The following ANK3 variants were observed in gnomAD, a reference collection of about 807,000 sequenced individuals.
ANK3 encodes the protein ankyrin 3.
A neutral mutation model predicts 370.9 loss-of-function variants in ANK3; 57 were observed. The observed-to-expected ratio is 0.15, with a 90% CI of 0.12 to 0.19. The LOEUF (loss-of-function observed/expected upper bound fraction) is 0.19. Ranked by LOEUF, ANK3 falls within the 10% of genes least tolerant of loss-of-function variation. The pLI is 1.00. For synonymous variants in ANK3, 1,929 were observed against 1,946.3 expected, an observed-to-expected ratio of 0.99 and a Z score of 0.23; for missense variants, 4,439 against 5,302.1, an observed-to-expected ratio of 0.84 and a Z score of 5.06.
chr10:60,333,433 G>C (rs1285564057), intron 1 of ANK3, among the ~76,000 whole-genome samples: 1 of 152,020 alleles, frequency 6.6e-6, no homozygotes, highest in Non-Finnish European at 1.5e-5. Flanking sequence ...GTTTGCTGAG[G>C]ATGATGGTTT....
At chr10:60,280,394 A>T (rs942279708) in intron 1 of ANK3, among the ~76,000 whole-genome samples, 2 of 152,210 alleles carry the variant, frequency 1.3e-5, no homozygotes, top group African/African-American at 4.8e-5. Context: ...AGATATTTGC[A>T]GGCAATGATG....
intron 1 of ANK3, among the ~76,000 whole-genome samples, chr10:60,329,939 T>C (rs2050814167): frequency 6.6e-6 from 1 of 152,052 alleles, no homozygotes. Flanking sequence ...AAGACAGATA[T>C]ATAGACCAAT....
rs765782462 is a variant in ANK3 at position 60,070,651 on chromosome 10, T to C, written c.10230A>G (p.Thr3410=). ...TAEFSHDTDA[T]EIDSLDGYDL... ...CATAGCCATCCAGAGAGTCGATCTC[T>C]GTGGCATCCGTGTCATGAGAAAACT... Residue 3410 remains threonine (T), a synonymous_variant, in exon 37 of 44, where the codon ACA becomes ACG. Coordinates refer to ENST00000280772, the MANE Select transcript of ANK3 (RefSeq NM_020987.5). The surrounding 1 kb of genome is among the most constrained non-coding windows in gnomAD (Gnocchi z 5.7). The C allele has an allele frequency of 6.2e-7, 1 of 1,614,184 alleles. No individual in the cohort carries two copies. The highest frequency in any genetic ancestry group is 2.2e-5 in the East Asian group (1 of 44,878).
Position 60,074,374 on chromosome 10 carries a change from C to T in ANK3, c.6507G>A (p.Val2169=). The change falls in exon 37 of 44, where the codon GTG becomes GTA. Residue 2169 remains valine, a synonymous_variant. Coordinates refer to ENST00000280772, the MANE Select transcript of ANK3 (RefSeq NM_020987.5). ...GATCATAGCTCCTGATAACATGAAC[C>T]ACTTCAGTTCTTGTTTCTGTAATGA... is the stretch of plus-strand genomic sequence containing the variant. ...PPVITETRTE[V]VHVIRSYDPS... The T allele has an allele frequency of 6.2e-7, 1 of 1,614,044 alleles. No individual in the cohort carries two copies. Among genetic ancestry groups the T allele is most frequent in the Non-Finnish European group, 8.5e-7 (1 of 1,179,982 alleles).
intron 1 of ANK3, among the ~76,000 whole-genome samples, chr10:60,323,495 C>T (rs916510293): frequency 1.3e-5 from 2 of 152,098 alleles, no homozygotes; most frequent in African/African-American, 4.8e-5. Context: ...TTGTTTATCC[C>T]GACATGTGGG....
intron 2 of ANK3, among the ~76,000 whole-genome samples, chr10:60,477,005 T>C (rs530081315): frequency 6.6e-6 from 1 of 152,076 alleles, no homozygotes; most frequent in African/African-American, 2.4e-5. Flanking sequence ...AAAGAAAGCC[T>C]GCAAAAAAAT....
At chr10:60,629,788 A>G (rs1387996615) in intron 1 of ANK3, among the ~76,000 whole-genome samples, 1 of 152,176 alleles carries the variant, frequency 6.6e-6, no homozygotes, top group African/African-American at 2.4e-5. Context: ...CTACATCAAT[A>G]TAATAATAAA....
intron 2 of ANK3, among the ~76,000 whole-genome samples, chr10:60,527,295 A>T (rs2133193411): frequency 6.6e-6 from 1 of 152,246 alleles, no homozygotes; most frequent in East Asian, 1.9e-4. Context: ...AGTGCTAGGA[A>T]GATAAGCACC....
chr10:60,115,943 C>T (rs1263973491), intron 25 of ANK3, among the ~76,000 whole-genome samples: 3 of 152,100 alleles, frequency 2.0e-5, no homozygotes, highest in Non-Finnish European at 4.4e-5. Flanking sequence ...AATCTGCTGC[C>T]TACTGAAACC....
intron 2 of ANK3, among the ~76,000 whole-genome samples, chr10:60,535,193 G>A (rs1182519091): frequency 6.6e-6 from 1 of 152,022 alleles, no homozygotes; most frequent in Non-Finnish European, 1.5e-5. Flanking sequence ...CAAATTTATT[G>A]GGCTCTAATG....
chr10:60,653,704 C>CA (rs2078823228), intron 1 of ANK3, among the ~76,000 whole-genome samples: 1 of 152,038 alleles, frequency 6.6e-6, no homozygotes, highest in Non-Finnish European at 1.5e-5. Context: ...CCCATCTCTA[C>CA]AAAAAATACA....
In ANK3 at chr10:60,697,319, C is replaced by T. The variant is rs1211038863; in HGVS notation, c.57+35944G>A. On this transcript the variant is annotated intron_variant, in intron 1 of 43. Coordinates refer to the ANK3 transcript ENST00000373827. ...GGAAAAATCAATATCGTGAAAATGG[C>T]CATACTGCCCAAGGTAATTTACAAA... Among the ~76,000 whole-genome samples, 8 of 152,016 alleles carry T rather than the reference C, an allele frequency of 5.3e-5. 1 individual carries two copies. Among genetic ancestry groups the T allele is most frequent in the African/African-American group, 1.7e-4 (7 of 41,458 alleles).
At chr10:60,284,801 GC>G (rs2098220485) in intron 1 of ANK3, among the ~76,000 whole-genome samples, 2 of 151,748 alleles carry the variant, frequency 1.3e-5, no homozygotes, top group African/African-American at 4.8e-5. Context: ...TTTCTGGGGG[GC>G]GGGGGCAATC....
intron 43 of ANK3, among the ~76,000 whole-genome samples, chr10:60,036,427 T>A: frequency 1.8e-5 from 1 of 56,100 alleles, no homozygotes; most frequent in Admixed American, 2.0e-4. Context: ...AGGCAATTTT[T>A]TTTTTTTTTT....
intron 1 of ANK3, among the ~76,000 whole-genome samples, chr10:60,340,640 G>A (rs1903205): frequency 0.5 from 75,559 of 151,646 alleles, 19,371 homozygotes; most frequent in East Asian, 0.68. Context: ...TCGAACTCCT[G>A]GGCTCAAGCA....
At chr10:60,532,476 GTT>G (rs72158042) in intron 2 of ANK3, among the ~76,000 whole-genome samples, 14,481 of 152,190 alleles carry the variant, frequency 0.095, 689 homozygotes, top group East Asian at 0.16. Context: ...CCAGGATCAA[GTT>G]CACACACAAG....
Position 60,362,452 on chromosome 10 carries a change from T to C in ANK3, c.114+26973A>G, listed in dbSNP as rs2058754282. ...AGATTTATATCATCAAGAGACTAAATGGCTATCACTATTTAAAACTGTGTA... is the reference window on the plus strand; with the variant it reads ...AGATTTATATCATCAAGAGACTAAACGGCTATCACTATTTAAAACTGTGTA... On this transcript the variant is annotated intron_variant, in intron 1 of 43. Coordinates refer to ENST00000280772, the MANE Select transcript of ANK3 (RefSeq NM_020987.5). Among the ~76,000 whole-genome samples the C allele has an allele frequency of 2.6e-5, 4 of 152,214 alleles. No homozygotes were observed. The South Asian group carries it at 6.2e-4, about 24-fold the overall frequency.
chr10:60,372,518 C>T (rs1346768825), intron 1 of ANK3, among the ~76,000 whole-genome samples: 2 of 152,148 alleles, frequency 1.3e-5, no homozygotes, highest in Non-Finnish European at 2.9e-5. Context: ...GTGGCCATGA[C>T]AGGGTGCTAG....
upstream of ANK3, among the ~76,000 whole-genome samples, chr10:60,394,837 G>A (rs1030582056): frequency 6.6e-6 from 1 of 152,174 alleles, no homozygotes; most frequent in African/African-American, 2.4e-5. Flanking sequence ...AGATGACTTC[G>A]ATGACAGTCC....
Sources: allele counts gnomAD v4.1 joint callset (sites outside exome capture counted in the v4.1 genomes callset), GRCh38; gene constraint gnomAD v4.1.1; non-coding constraint Gnocchi (gnomAD v3.1); transcripts MANE v1.5; gene names NCBI Gene and HGNC (gene_info 2026-07-23, HGNC 2026-07-21).